Variants in EML4 observed in about 807,000 individuals in gnomAD.
EML4 encodes the protein EMAP like 4, also known as echinoderm microtubule-associated protein-like 4.
A neutral mutation model predicts 129.0 loss-of-function variants in EML4; 72 were observed. The ratio of observed to expected loss-of-function variants is 0.56; its 90% CI spans 0.46 to 0.68. The LOEUF (loss-of-function observed/expected upper bound fraction) is 0.68. Among genes scored for constraint, EML4 ranks in the 30% least tolerant of loss-of-function variants. The pLI is 0.00. For synonymous variants in EML4, 532 were observed against 405.0 expected, an observed-to-expected ratio of 1.31 and a Z score of -3.77; for missense variants, 1,363 against 1,190.6, an observed-to-expected ratio of 1.14 and a Z score of -2.13.
At chr2:42,214,209 G>A (rs1331180474) in intron 1 of EML4, among the ~76,000 whole-genome samples, 2 of 151,960 alleles carry the variant, frequency 1.3e-5, no homozygotes, top group African/African-American at 2.4e-5. Context: ...TAGTGGATTC[G>A]GTATGAACTT....
intron 1 of EML4, among the ~76,000 whole-genome samples, chr2:42,197,158 G>A (rs1671940138): frequency 6.6e-6 from 1 of 152,098 alleles, no homozygotes; most frequent in African/African-American, 2.4e-5. Flanking sequence ...GACCTCCCAG[G>A]ATCAGGTGAT....
At chr2:42,287,874 A>T (rs1257088623) in intron 10 of EML4, among the ~76,000 whole-genome samples, 5 of 152,122 alleles carry the variant, frequency 3.3e-5, no homozygotes, top group Non-Finnish European at 5.9e-5. Context: ...CTTACCTACC[A>T]CAAGGAAAAA....
chr2:42,313,276 A>G (rs981035543), intron 17 of EML4, among the ~76,000 whole-genome samples: 1 of 152,136 alleles, frequency 6.6e-6, no homozygotes, highest in African/African-American at 2.4e-5. Flanking sequence ...ATATCTTAAC[A>G]TGTATTTGAT....
chr2:42,200,334 G>A (rs1426745066), intron 1 of EML4, among the ~76,000 whole-genome samples: 2 of 151,796 alleles, frequency 1.3e-5, no homozygotes, highest in Non-Finnish European at 2.9e-5. Context: ...CAAAAAAAGA[G>A]GAATATCAGC....
rs186986699 is a variant in EML4, at chr2:42,246,982, C to A, written c.208+1295C>A. 3.3e-5 allele frequency among the ~76,000 whole-genome samples: 5 copies of A among 152,286 alleles called. No individual in the cohort carries two copies. In the East Asian group the frequency reaches 9.6e-4, roughly 29 times the overall value. On this transcript the variant is annotated intron_variant, in intron 2 of 22. Transcript: ENST00000318522. ...TTAAGAATAATTGTAGAATTGAGAG[C>A]AACAAATATAGCCACTCTCAAAAAA...
At chr2:42,248,618 A>T (rs746637087) in intron 2 of EML4, among the ~76,000 whole-genome samples, 126 of 152,170 alleles carry the variant, frequency 8.3e-4, no homozygotes, top group Non-Finnish European at 1.4e-3. Context: ...CCACAGAACC[A>T]TCTCTGTGGA....
chr2:42,175,424 A>AT (rs1163914455), intron 1 of EML4, among the ~76,000 whole-genome samples: 7 of 151,812 alleles, frequency 4.6e-5, no homozygotes, highest in Admixed American at 2.0e-4. Context: ...AGAGTGTGTT[A>AT]TTTTTTTAAA....
At chr2:42,322,669 T>C (rs1669581996) in intron 19 of EML4, among the ~76,000 whole-genome samples, 1 of 152,254 alleles carries the variant, frequency 6.6e-6, no homozygotes, top group Non-Finnish European at 1.5e-5. Flanking sequence ...GAATACTTTT[T>C]TGTTTGTCTT....
chr2:42,302,926 C>T (rs1177128639), intron 14 of EML4, among the ~76,000 whole-genome samples, 178 bp from the exon 15 acceptor site: 1 of 152,132 alleles, frequency 6.6e-6, no homozygotes, highest in African/African-American at 2.4e-5. Context: ...ATTATTATAA[C>T]TTCTGTATAA....
chr2:42,241,343 A>C (rs1050021155), intron 1 of EML4, among the ~76,000 whole-genome samples: 1 of 152,296 alleles, frequency 6.6e-6, no homozygotes, highest in Non-Finnish European at 1.5e-5. Context: ...GCTCTGTTAC[A>C]TTGCCATTGC....
intron 2 of EML4, among the ~76,000 whole-genome samples, chr2:42,253,350 A>G (rs190604876): frequency 2.0e-5 from 3 of 152,330 alleles, no homozygotes; most frequent in East Asian, 1.9e-4. Flanking sequence ...CAAGATGCCT[A>G]TGTTTTTGAC....
intron 16 of EML4, 72 bp downstream of exon 16, chr2:42,303,518 G>A: frequency 6.5e-7 from 1 of 1,527,328 alleles, no homozygotes; most frequent in Non-Finnish European, 9.0e-7. Context: ...GAGCAGCAAA[G>A]TAAAAAGGAC....
chr2:42,310,856 C>G lies in EML4; in HGVS notation c.1968-5106C>G, dbSNP rs1235342730. ...GAGGATTTGTTGTTAGAGATAGAGA[C>G]TCTGAGCCCAAAAGTCTTTTCTGAA... On this transcript the variant is annotated intron_variant, in intron 17 of 22. Transcript: ENST00000318522. Among the ~76,000 whole-genome samples the G allele has an allele frequency of 1.3e-5, 2 of 152,194 alleles. 1 individual carries two copies. The highest frequency in any genetic ancestry group is 4.1e-4 in the South Asian group (2 of 4,822).
At chr2:42,222,283 T>C (rs537708174) in intron 1 of EML4, among the ~76,000 whole-genome samples, 16 of 152,304 alleles carry the variant, frequency 1.1e-4, no homozygotes, top group African/African-American at 3.1e-4. Context: ...TTAATTTGTG[T>C]CTTTCCATAT....
intron 2 of EML4, among the ~76,000 whole-genome samples, chr2:42,247,461 A>G (rs924292095): frequency 7.9e-5 from 12 of 151,730 alleles, no homozygotes; most frequent in African/African-American, 2.4e-4. Flanking sequence ...TGTGATTCCC[A>G]CTCTTTTCCC....
Position 42,331,777 on chromosome 2 carries a change from T to G in EML4, c.*1570T>G, listed in dbSNP as rs914578167. ...CCCAAGGACATTTACAACATTTATA[T>G]TCACACGCTGTATGGAAGGGTGTGG... is the stretch of plus-strand genomic sequence containing the variant. On this transcript the variant is annotated 3_prime_UTR_variant, in exon 23 of 23. Transcript: ENST00000318522. 7 of 221,620 alleles carry G rather than the reference T, an allele frequency of 3.2e-5. No homozygotes were observed. Among genetic ancestry groups the G allele is most frequent in the Non-Finnish European group, 6.3e-5 (7 of 110,524 alleles). The allele number at this position is 221,620 out of a possible 1,614,324, so 13.7% of individuals were successfully genotyped here. A position where few individuals can be genotyped will look rare whatever the true frequency, so the allele number is the denominator to read the frequency against.
rs1191260794 is a variant in EML4 at position 42,280,832 on chromosome 2, T to C, written c.668-18T>C. On this transcript the variant is annotated intron_variant, in intron 6 of 22. Transcript: ENST00000318522. ...CAGAAAATACGTATGACTTAACTTT[T>C]GTCTTGTGTTTCAACAGAAGGAGAA... The C allele has an allele frequency of 1.3e-6, 2 of 1,592,960 alleles. No homozygotes were observed. Among genetic ancestry groups the C allele is most frequent in the African/African-American group, 2.7e-5 (2 of 73,854 alleles).
intron 1 of EML4, among the ~76,000 whole-genome samples, chr2:42,210,223 C>T (rs1160978866): frequency 6.6e-6 from 1 of 152,198 alleles, no homozygotes; most frequent in Middle Eastern, 3.4e-3. Context: ...TTGGCTATGA[C>T]CATTTTTTCA....
At chr2:42,251,124 G>T (rs192528736) in intron 2 of EML4, among the ~76,000 whole-genome samples, 56 of 152,318 alleles carry the variant, frequency 3.7e-4, no homozygotes, top group African/African-American at 1.3e-3. Context: ...CTGCTGTCTG[G>T]CCTGGTTTCT....
Sources: gnomAD v4.1 joint callset for allele counts (sites outside exome capture counted in the v4.1 genomes callset) on GRCh38, gnomAD v4.1.1 for gene constraint, MANE v1.5 for transcripts, NCBI Gene and HGNC (gene_info 2026-07-23, HGNC 2026-07-21) for gene names.